PTPRD: variants seen among roughly 807,000 people sequenced by gnomAD.
PTPRD encodes receptor-type tyrosine-protein phosphatase delta.
A neutral mutation model predicts 214.5 loss-of-function variants in PTPRD; 34 were observed. The ratio of observed to expected loss-of-function variants is 0.16; its 90% CI spans 0.12 to 0.21. The LOEUF (loss-of-function observed/expected upper bound fraction) is 0.21. PTPRD is among the 10% of genes least tolerant of loss of function. The probability of loss-of-function intolerance (pLI) is 1.00; values close to 1 mark genes in which losing one functional copy is unlikely to be tolerated. For synonymous variants in PTPRD, 1,128 were observed against 845.7 expected (o/e 1.33, Z -5.79); for missense variants, 2,545 against 2,398.7 (o/e 1.06, Z -1.27).
intron 2 of PTPRD, among the ~76,000 whole-genome samples, chr9:10,444,624 T>C (rs187936296): frequency 6.6e-6 from 1 of 151,874 alleles, no homozygotes; most frequent in Non-Finnish European, 1.5e-5. Context: ...TAAAGGAAGA[T>C]TAATGACAAG....
At chr9:10,098,079 A>G (rs1360914938) in intron 3 of PTPRD, among the ~76,000 whole-genome samples, 2 of 151,796 alleles carry the variant, frequency 1.3e-5, no homozygotes, top group East Asian at 3.9e-4. Context: ...AATAGCAAAG[A>G]CTTGGAACCA....
intron 14 of PTPRD, among the ~76,000 whole-genome samples, chr9:8,621,841 G>C (rs1034651940): frequency 6.6e-6 from 1 of 151,864 alleles, no homozygotes; most frequent in Non-Finnish European, 1.5e-5. Context: ...TTAGGATACA[G>C]GGCTCTAATC....
In PTPRD at chr9:8,440,307, T is replaced by G. The variant is rs185387334; in HGVS notation, c.3989-3618A>C. 4.3e-5 allele frequency among the ~76,000 whole-genome samples: 6 copies of G among 139,380 alleles called. No homozygotes were observed. In the South Asian group the frequency reaches 1.4e-3, roughly 33 times the overall value. The allele number at this position is 139,380 out of a possible 152,430, so 91.4% of individuals were successfully genotyped here. A position where few individuals can be genotyped will look rare whatever the true frequency, so the allele number is the denominator to read the frequency against. The stretch of plus-strand genomic sequence containing the variant: ...TCAGTTAGAAGCTACAAATGTACAA[T>G]AGAAATGTATTATTTTTTTTTTTTT... On this transcript the variant is annotated intron_variant, in intron 34 of 45. Transcript: ENST00000381196.
chr9:10,092,145 G>A (rs1369900612), intron 3 of PTPRD, among the ~76,000 whole-genome samples: 1 of 151,476 alleles, frequency 6.6e-6, no homozygotes, highest in Non-Finnish European at 1.5e-5. Context: ...TAAGGGAATA[G>A]CTGTGTCTAC....
At chr9:8,834,620 A>G (rs1459295785) in intron 11 of PTPRD, among the ~76,000 whole-genome samples, 1 of 152,180 alleles carries the variant, frequency 6.6e-6, no homozygotes, top group Non-Finnish European at 1.5e-5. Flanking sequence ...TATCTCATTT[A>G]ATGTTCACAG....
At chr9:9,417,259 T>C (rs553465211) in intron 8 of PTPRD, among the ~76,000 whole-genome samples, 21 of 152,246 alleles carry the variant, frequency 1.4e-4, no homozygotes, top group Admixed American at 1.3e-4. Context: ...CTTGGTAAAA[T>C]TAGAGTTTTA....
intron 11 of PTPRD, among the ~76,000 whole-genome samples, chr9:8,743,154 T>C (rs191978188): frequency 2.6e-5 from 4 of 151,946 alleles, no homozygotes; most frequent in African/African-American, 9.7e-5. Flanking sequence ...ATACATTGCT[T>C]TCTAAACCCA....
intron 5 of PTPRD, among the ~76,000 whole-genome samples, chr9:9,785,918 A>G (rs1331279343): frequency 6.6e-6 from 1 of 152,198 alleles, no homozygotes; most frequent in East Asian, 1.9e-4. Context: ...CAAGTAGGTC[A>G]TGATGAAATG....
chr9:8,786,406 T>A (rs13287467), intron 11 of PTPRD, among the ~76,000 whole-genome samples: 1 of 132,910 alleles, frequency 7.5e-6, no homozygotes, highest in Non-Finnish European at 1.6e-5. Context: ...GGAGTTCTTT[T>A]TTTTTTTTTT....
intron 9 of PTPRD, among the ~76,000 whole-genome samples, chr9:9,272,023 G>T (rs956933931): frequency 1.3e-5 from 2 of 151,166 alleles, no homozygotes; most frequent in African/African-American, 2.4e-5. Context: ...GCATAGATGA[G>T]GTGAAGAATG....
chr9:10,078,990 T>G (rs1218626781), intron 3 of PTPRD, among the ~76,000 whole-genome samples: 1 of 152,116 alleles, frequency 6.6e-6, no homozygotes, highest in Non-Finnish European at 1.5e-5. Context: ...GAGTAGAACT[T>G]TTTTTTCTTT....
At chr9:8,722,366 G>A (rs1330310305) in intron 12 of PTPRD, among the ~76,000 whole-genome samples, 1 of 151,738 alleles carries the variant, frequency 6.6e-6, no homozygotes, top group East Asian at 1.9e-4. Context: ...AGGCAAATCT[G>A]GTTACTAACA....
intron 5 of PTPRD, among the ~76,000 whole-genome samples, chr9:9,874,625 C>T (rs10978051): frequency 0.21 from 31,545 of 152,066 alleles, 4,289 homozygotes; most frequent in African/African-American, 0.39. Context: ...TCTTTTATCT[C>T]AAATAATAAA....
chr9:8,502,750 A>G (rs763809088), intron 23 of PTPRD, among the ~76,000 whole-genome samples: 1 of 151,916 alleles, frequency 6.6e-6, no homozygotes, highest in Non-Finnish European at 1.5e-5. Flanking sequence ...TTGTGAGAAT[A>G]TATTCAACAC....
At chr9:8,688,157 G>C (rs957972668) in intron 12 of PTPRD, among the ~76,000 whole-genome samples, 1 of 152,154 alleles carries the variant, frequency 6.6e-6, no homozygotes, top group Non-Finnish European at 1.5e-5. Flanking sequence ...GTTTTCATAA[G>C]GGACAGATGT....
intron 9 of PTPRD, among the ~76,000 whole-genome samples, chr9:9,380,329 T>A (rs1390174914): frequency 6.6e-6 from 1 of 152,086 alleles, no homozygotes; most frequent in Non-Finnish European, 1.5e-5. Context: ...CTTTGACCTG[T>A]GTGTTATTTA....
At chr9:9,812,743 T>C (rs1263532596) in intron 5 of PTPRD, among the ~76,000 whole-genome samples, 2 of 152,072 alleles carry the variant, frequency 1.3e-5, no homozygotes, top group Non-Finnish European at 2.9e-5. Context: ...AGAAAATCAA[T>C]AAGGAAACAG....
chr9:9,872,544 T>C (rs899835161), intron 5 of PTPRD, among the ~76,000 whole-genome samples: 1 of 152,050 alleles, frequency 6.6e-6, no homozygotes, highest in Non-Finnish European at 1.5e-5. Flanking sequence ...GAGGCTATAG[T>C]GAGTCACTGT....
chr9:9,021,904 A>T, intron 10 of PTPRD, among the ~76,000 whole-genome samples: 1 of 152,062 alleles, frequency 6.6e-6, no homozygotes, highest in East Asian at 1.9e-4. Context: ...TTTCTAAAGT[A>T]AAAAATCTTA....
Sources: allele counts gnomAD v4.1 joint callset (sites outside exome capture counted in the v4.1 genomes callset), GRCh38; gene constraint gnomAD v4.1.1; transcripts MANE v1.5; gene names NCBI Gene and HGNC (gene_info 2026-07-23, HGNC 2026-07-21).